Variants in CNTNAP2 observed in about 807,000 individuals in gnomAD.
The protein encoded by CNTNAP2 is contactin-associated protein-like 2.
CNTNAP2 carries 98 observed loss-of-function variants against 155.2 expected under a neutral mutation model. That is an observed-to-expected ratio of 0.63 (90% CI 0.54 to 0.75). The LOEUF (loss-of-function observed/expected upper bound fraction) is 0.75, where lower values mean the gene tolerates loss of function less well. CNTNAP2 is among the 30% of genes least tolerant of loss of function. The pLI is 0.00. For synonymous variants in CNTNAP2, 651 were observed against 631.2 expected, an observed-to-expected ratio of 1.03 and a Z score of -0.47; for missense variants, 1,727 against 1,688.1, an observed-to-expected ratio of 1.02 and a Z score of -0.40.
intron 3 of CNTNAP2, among the ~76,000 whole-genome samples, chr7:146,929,273 C>T (rs561571532): frequency 1.4e-4 from 22 of 152,266 alleles, no homozygotes; most frequent in Admixed American, 6.5e-4. Flanking sequence ...GCAGCATTCG[C>T]GGTTCACGAA....
At chr7:148,176,086 T>C (rs2116696221) in intron 18 of CNTNAP2, among the ~76,000 whole-genome samples, 1 of 152,266 alleles carries the variant, frequency 6.6e-6, no homozygotes, top group East Asian at 1.9e-4. Flanking sequence ...AGGTTCCTCA[T>C]GATCATCTCT....
intron 11 of CNTNAP2, among the ~76,000 whole-genome samples, chr7:147,521,330 C>T (rs1799226361): frequency 6.6e-6 from 1 of 152,166 alleles, no homozygotes; most frequent in Non-Finnish European, 1.5e-5. Context: ...CCTTTCTTCT[C>T]ATACAAGGTT....
chr7:147,390,745 T>C (rs1563186550), intron 9 of CNTNAP2, among the ~76,000 whole-genome samples: 1 of 152,166 alleles, frequency 6.6e-6, no homozygotes, highest in Non-Finnish European at 1.5e-5. Flanking sequence ...TGCAACATTC[T>C]GTGTCACACG....
intron 8 of CNTNAP2, among the ~76,000 whole-genome samples, chr7:147,258,174 T>C (rs1365216713): frequency 1.3e-5 from 2 of 152,072 alleles, no homozygotes; most frequent in African/African-American, 4.8e-5. Context: ...TGAGTAAAAA[T>C]GAAATTGGTT....
At chr7:147,596,885 C>T (rs1311648060) in intron 12 of CNTNAP2, among the ~76,000 whole-genome samples, 4 of 152,110 alleles carry the variant, frequency 2.6e-5, no homozygotes, top group African/African-American at 9.7e-5. Context: ...ATGGGAGTGA[C>T]CTCTAGTCGT....
chr7:146,228,859 A>G (rs1799337359), intron 1 of CNTNAP2, among the ~76,000 whole-genome samples: 1 of 152,152 alleles, frequency 6.6e-6, no homozygotes. Flanking sequence ...CTTGAGATTA[A>G]TAGCACAATT....
At chr7:146,418,101 T>C (rs1795962651) in intron 1 of CNTNAP2, among the ~76,000 whole-genome samples, 1 of 152,178 alleles carries the variant, frequency 6.6e-6, no homozygotes, top group Non-Finnish European at 1.5e-5. Flanking sequence ...TCATTTAACT[T>C]CTTAGTCTTC....
chr7:146,336,937 G>A (rs1801287165), intron 1 of CNTNAP2, among the ~76,000 whole-genome samples: 1 of 152,176 alleles, frequency 6.6e-6, no homozygotes, highest in African/African-American at 2.4e-5. Context: ...AACCATGGCT[G>A]TAGTGCAGGG....
intron 10 of CNTNAP2, among the ~76,000 whole-genome samples, chr7:147,479,098 A>G (rs1224226833): frequency 6.6e-6 from 1 of 152,144 alleles, no homozygotes; most frequent in Non-Finnish European, 1.5e-5. Flanking sequence ...TCACTGATTT[A>G]TTACTTCACA....
chr7:147,632,899 T>C (rs1470013943), intron 12 of CNTNAP2, among the ~76,000 whole-genome samples: 3 of 152,314 alleles, frequency 2.0e-5, no homozygotes, highest in Admixed American at 1.3e-4. Context: ...GGAGTAAAAG[T>C]GACTCTTGCT....
intron 13 of CNTNAP2, among the ~76,000 whole-genome samples, chr7:147,725,665 C>A (rs1796628400): frequency 6.6e-6 from 1 of 152,058 alleles, no homozygotes; most frequent in Non-Finnish European, 1.5e-5. Context: ...TCCCCCAAGG[C>A]AAGAGCCACC....
chr7:147,906,360 G>A (rs1004854492), intron 14 of CNTNAP2, among the ~76,000 whole-genome samples: 5 of 151,642 alleles, frequency 3.3e-5, no homozygotes, highest in Non-Finnish European at 7.4e-5. Context: ...TAGTACAGAC[G>A]GGGTTTCACC....
intron 1 of CNTNAP2, among the ~76,000 whole-genome samples, chr7:146,293,877 C>G (rs551895015): frequency 9.2e-5 from 14 of 152,096 alleles, no homozygotes; most frequent in Non-Finnish European, 1.9e-4. Flanking sequence ...AAAAGTGGTT[C>G]TTTTTTTAAT....
intron 15 of CNTNAP2, among the ~76,000 whole-genome samples, chr7:147,981,815 GTGGT>G (rs1563156636): frequency 3.4e-5 from 5 of 146,680 alleles, no homozygotes; most frequent in Non-Finnish European, 7.6e-5. Context: ...GTGTGTGTGT[GTGGT>G]TTTTTTTTTC....
intron 11 of CNTNAP2, among the ~76,000 whole-genome samples, chr7:147,512,217 T>C (rs768977202): frequency 6.6e-6 from 1 of 152,182 alleles, no homozygotes; most frequent in Non-Finnish European, 1.5e-5. Context: ...ACTCATGTAT[T>C]ACTAATTCTG....
At chr7:146,429,670 A>G (rs185843431) in intron 1 of CNTNAP2, among the ~76,000 whole-genome samples, 15 of 152,268 alleles carry the variant, frequency 9.9e-5, no homozygotes, top group Non-Finnish European at 1.9e-4. Flanking sequence ...TGTCATCTGC[A>G]AACAAAAATA....
intron 17 of CNTNAP2, among the ~76,000 whole-genome samples, chr7:148,160,244 G>T (rs1262789140): frequency 2.0e-5 from 3 of 151,120 alleles, no homozygotes; most frequent in African/African-American, 7.3e-5. Context: ...TGTCTCAAAA[G>T]AAAGAGAAAA....
chr7:147,054,590 T>C (rs1035871560), intron 4 of CNTNAP2, among the ~76,000 whole-genome samples: 1 of 152,190 alleles, frequency 6.6e-6, no homozygotes, highest in African/African-American at 2.4e-5. Flanking sequence ...CAAATATATA[T>C]AAGTGATTCC....
intron 9 of CNTNAP2, among the ~76,000 whole-genome samples, chr7:147,313,861 C>A (rs1010616250): frequency 2.0e-5 from 3 of 151,236 alleles, no homozygotes; most frequent in African/African-American, 7.3e-5. Context: ...GGCAGTATGG[C>A]CATTTTCACG....
Sources: allele counts gnomAD v4.1 joint callset (sites outside exome capture counted in the v4.1 genomes callset), GRCh38; gene constraint gnomAD v4.1.1; transcripts MANE v1.5; gene names NCBI Gene and HGNC (gene_info 2026-07-23, HGNC 2026-07-21).